Variants in THSD7B observed in about 807,000 individuals in gnomAD.
THSD7B encodes thrombospondin type 1 domain containing 7B, also known as thrombospondin type-1 domain-containing protein 7B.
In THSD7B, 138 loss-of-function variants were observed where a neutral mutation model predicts 213.6. That is an observed-to-expected ratio of 0.65 (90% CI 0.56 to 0.74). The LOEUF (loss-of-function observed/expected upper bound fraction) is 0.74. Among genes scored for constraint, THSD7B ranks in the 30% least tolerant of loss-of-function variants. THSD7B has a pLI of 0.00. For synonymous variants in THSD7B, 742 were observed against 687.0 expected (o/e 1.08, Z -1.25); for missense variants, 1,931 against 1,991.5 (o/e 0.97, Z 0.58).
chr2:137,597,608 G>T (rs547280747), intron 17 of THSD7B, among the ~76,000 whole-genome samples: 27 of 152,038 alleles, frequency 1.8e-4, no homozygotes, highest in African/African-American at 6.3e-4. Context: ...TCAAACTACG[G>T]AGAACATATA....
At chr2:137,376,365 C>T (rs1374156263) in intron 12 of THSD7B, among the ~76,000 whole-genome samples, 2 of 152,268 alleles carry the variant, frequency 1.3e-5, no homozygotes, top group Middle Eastern at 3.4e-3. Flanking sequence ...TTACCTGATG[C>T]AGTGATTTGG....
intron 5 of THSD7B, among the ~76,000 whole-genome samples, chr2:137,158,227 C>A (rs983867981): frequency 3.9e-5 from 6 of 152,190 alleles, no homozygotes; most frequent in African/African-American, 1.4e-4. Flanking sequence ...GGATGAATCA[C>A]AAACCCCTTC....
intron 17 of THSD7B, among the ~76,000 whole-genome samples, chr2:137,594,223 C>G (rs556991325): frequency 5.3e-5 from 8 of 151,918 alleles, no homozygotes; most frequent in Non-Finnish European, 7.4e-5. Flanking sequence ...TATCTCCTGC[C>G]ACTAGTTACT....
intron 12 of THSD7B, among the ~76,000 whole-genome samples, chr2:137,306,936 TA>T (rs914148579): frequency 7.2e-5 from 11 of 152,088 alleles, no homozygotes; most frequent in Admixed American, 1.3e-4. Flanking sequence ...AAGAACCTGT[TA>T]AAAAAAATGC....
intron 9 of THSD7B, among the ~76,000 whole-genome samples, chr2:137,240,667 T>G (rs1177884075): frequency 6.6e-6 from 1 of 152,128 alleles, no homozygotes; most frequent in Non-Finnish European, 1.5e-5. Flanking sequence ...TGTACCCCCA[T>G]GCCCAGCTAA....
intron 10 of THSD7B, among the ~76,000 whole-genome samples, chr2:137,258,462 C>T (rs1443484583): frequency 3.9e-5 from 6 of 152,022 alleles, no homozygotes; most frequent in East Asian, 1.9e-4. Flanking sequence ...GCACATAATA[C>T]CAGCTCTGCC....
At chr2:137,047,859 T>G (rs1200849765) in intron 2 of THSD7B, among the ~76,000 whole-genome samples, 1 of 152,112 alleles carries the variant, frequency 6.6e-6, no homozygotes, top group Non-Finnish European at 1.5e-5. Context: ...AGTTTTGGAG[T>G]GTCTCAAGAC....
At chr2:137,179,355 G>T (rs1424667025) in intron 7 of THSD7B, among the ~76,000 whole-genome samples, 1 of 152,008 alleles carries the variant, frequency 6.6e-6, no homozygotes, top group African/African-American at 2.4e-5. Context: ...GTGGTATTTT[G>T]CTGTTTCATA....
intron 5 of THSD7B, among the ~76,000 whole-genome samples, chr2:137,151,494 A>G (rs1448860388): frequency 6.6e-6 from 1 of 150,454 alleles, no homozygotes; most frequent in East Asian, 2.0e-4. Context: ...TCCTCTGTTA[A>G]CAATGCACAT....
intron 1 of THSD7B, among the ~76,000 whole-genome samples, chr2:136,839,554 G>T (rs1292579888): frequency 6.6e-6 from 1 of 152,054 alleles, no homozygotes; most frequent in Non-Finnish European, 1.5e-5. Flanking sequence ...TAGTCTTTGA[G>T]ACTCAGAGTC....
chr2:137,432,680 C>T (rs1196127800), intron 14 of THSD7B, among the ~76,000 whole-genome samples: 1 of 152,168 alleles, frequency 6.6e-6, no homozygotes, highest in Non-Finnish European at 1.5e-5. Flanking sequence ...TGTGGACTTC[C>T]TCTCACTGTT....
At chr2:137,107,476 G>A (rs947668297) in intron 4 of THSD7B, among the ~76,000 whole-genome samples, 1 of 152,168 alleles carries the variant, frequency 6.6e-6, no homozygotes, top group Non-Finnish European at 1.5e-5. Flanking sequence ...CACGGCACGT[G>A]TATCCCTATG....
intron 1 of THSD7B, among the ~76,000 whole-genome samples, chr2:136,813,204 G>T (rs961040954): frequency 6.6e-6 from 1 of 152,012 alleles, no homozygotes; most frequent in Non-Finnish European, 1.5e-5. Flanking sequence ...TTCCCAGCAT[G>T]GCTACATCAG....
chr2:137,034,570 G>A (rs1312697145), intron 2 of THSD7B, among the ~76,000 whole-genome samples: 2 of 152,036 alleles, frequency 1.3e-5, no homozygotes, highest in Non-Finnish European at 2.9e-5. Flanking sequence ...TTGTCCTAAT[G>A]CTCTCCCTTC....
chr2:137,516,470 A>C (rs1048818274), intron 15 of THSD7B, among the ~76,000 whole-genome samples: 2 of 152,176 alleles, frequency 1.3e-5, no homozygotes, highest in Non-Finnish European at 1.5e-5. Context: ...GCCTTTTACC[A>C]GGGTAACTGC....
chr2:137,101,967 A>T (rs1255598485), intron 4 of THSD7B, among the ~76,000 whole-genome samples: 1 of 152,190 alleles, frequency 6.6e-6, no homozygotes, highest in South Asian at 2.1e-4. Context: ...TCACAGCTTT[A>T]GCAGACTTAA....
intron 3 of THSD7B, among the ~76,000 whole-genome samples, chr2:137,087,965 C>A (rs982714051): frequency 1.3e-5 from 2 of 152,046 alleles, no homozygotes; most frequent in Non-Finnish European, 2.9e-5. Flanking sequence ...ACAGGCCAGG[C>A]ATGGTGGCTC....
chr2:137,204,931 T>G (rs2105027735), intron 7 of THSD7B, among the ~76,000 whole-genome samples: 1 of 152,212 alleles, frequency 6.6e-6, no homozygotes, highest in Non-Finnish European at 1.5e-5. Flanking sequence ...CAGTAATGCA[T>G]GGACAAAATC....
intron 1 of THSD7B, among the ~76,000 whole-genome samples, chr2:136,830,713 G>A (rs1573658435): frequency 6.6e-6 from 1 of 152,050 alleles, no homozygotes; most frequent in East Asian, 1.9e-4. Flanking sequence ...TATTTCAAAT[G>A]GGTATCAGCC....
Sources: allele counts gnomAD v4.1 joint callset (sites outside exome capture counted in the v4.1 genomes callset), GRCh38; gene constraint gnomAD v4.1.1; transcripts MANE v1.5; gene names NCBI Gene and HGNC (gene_info 2026-07-23, HGNC 2026-07-21).